The following MIA2 variants were observed in gnomAD, a reference collection of about 807,000 sequenced individuals.
MIA2 encodes melanoma inhibitory activity protein 2.
MIA2 carries 127 observed loss-of-function variants against 167.8 expected under a neutral mutation model. That is an observed-to-expected ratio of 0.76 (90% CI 0.66 to 0.88). MIA2 has a LOEUF of 0.88. MIA2 is among the 40% of genes least tolerant of loss of function. MIA2 has a pLI of 0.00. For synonymous variants in MIA2, 552 were observed against 541.9 expected (o/e 1.02, Z -0.26); for missense variants, 1,690 against 1,624.7 (o/e 1.04, Z -0.69).
chr14:39,310,482 TAAAG>T (rs1438803213), intron 18 of MIA2, among the ~76,000 whole-genome samples: 9 of 152,222 alleles, frequency 5.9e-5, no homozygotes, highest in East Asian at 3.9e-4. Context: ...CAATATATAT[TAAAG>T]AAAGTATCTT....
chr14:39,352,954 T>A (rs1168103236), downstream of MIA2, among the ~76,000 whole-genome samples: 10 of 152,182 alleles, frequency 6.6e-5, no homozygotes, highest in Admixed American at 6.5e-4. Context: ...GTACAGTAGA[T>A]CTCTTGAACT....
intron 6 of MIA2, chr14:39,269,089 T>TTTTTTTTTTTC (rs2056632296): frequency 1.0e-6 from 1 of 960,032 alleles, no homozygotes; most frequent in Non-Finnish European, 1.2e-6. Context: ...TTTTTTTTTT[T>TTTTTTTTTTTC]TTTTTTTTTT....
chr14:39,351,720 C>T (rs888000216), downstream of MIA2, among the ~76,000 whole-genome samples: 3 of 152,130 alleles, frequency 2.0e-5, no homozygotes, highest in South Asian at 2.1e-4. Flanking sequence ...GAAACCTCAC[C>T]GCAGTCTCCC....
At chr14:39,285,226 C>G (rs1053641360) in intron 9 of MIA2, among the ~76,000 whole-genome samples, 1 of 152,106 alleles carries the variant, frequency 6.6e-6, no homozygotes, top group Non-Finnish European at 1.5e-5. Context: ...TCCACAAAAC[C>G]GCCATCGTCA....
rs546339719 is a variant in MIA2 at position 39,286,076 on chromosome 14, T to G, written c.2131-4943T>G. ...GGCAGAGGCTGCAATCTCAGCACTT[T>G]GGGAGGCCAAGGCAGGTGGCTGGGA... On this transcript the variant is annotated intron_variant, in intron 9 of 28. Transcript: ENST00000640607. Among the ~76,000 whole-genome samples the G allele has an allele frequency of 1.7e-3, 252 of 152,258 alleles. 2 individuals are homozygous for G. Among genetic ancestry groups the G allele is most frequent in the Middle Eastern group, 6.8e-3 (2 of 294 alleles).
intron 23 of MIA2, among the ~76,000 whole-genome samples, chr14:39,384,672 G>A (rs1277915427): frequency 6.6e-6 from 1 of 152,012 alleles, no homozygotes; most frequent in Non-Finnish European, 1.5e-5. Context: ...TCCTCACTCC[G>A]GCACACTCAG....
rs2065793442 is a variant in MIA2, at chr14:39,317,939, T to G, written c.3217-5T>G. The G allele has an allele frequency of 6.4e-7, 1 of 1,568,594 alleles. No homozygotes were observed. The highest frequency in any genetic ancestry group is 8.6e-7 in the Non-Finnish European group (1 of 1,160,846). ...ATATTTTTAAAATGTGTTATTTTCTTCAAGTTGGCAGCTCGGAATGCTGAA... is the reference window on the plus strand; with the variant it reads ...ATATTTTTAAAATGTGTTATTTTCTGCAAGTTGGCAGCTCGGAATGCTGAA... On this transcript the variant is annotated splice_region_variant and splice_polypyrimidine_tract_variant and intron_variant, in intron 21 of 28. Transcript: ENST00000640607.
chr14:39,287,693 G>A (rs533414089), intron 9 of MIA2, among the ~76,000 whole-genome samples: 171 of 152,122 alleles, frequency 1.1e-3, no homozygotes, highest in African/African-American at 3.8e-3. Flanking sequence ...CTCCTGAGTA[G>A]CTGGGACTAC....
In MIA2 at chr14:39,293,054, G is replaced by A. The variant is rs540596865; in HGVS notation, c.2209-217G>A. Among the ~76,000 whole-genome samples the A allele has an allele frequency of 2.0e-5, 3 of 152,258 alleles. No homozygotes were observed. The South Asian group carries it at 6.2e-4, about 32-fold the overall frequency. On this transcript the variant is annotated intron_variant, in intron 10 of 28. Coordinates refer to ENST00000640607, the MANE Select transcript of MIA2 (RefSeq NM_001329214.4). ...GGCATAGTTGAGTAATTGCAACAAAGACTGCATGGCCTACGAGCCTAAAAT... is the reference window on the plus strand; with the variant it reads ...GGCATAGTTGAGTAATTGCAACAAAAACTGCATGGCCTACGAGCCTAAAAT...
chr14:39,319,565 G>A (rs1461452246), intron 23 of MIA2, among the ~76,000 whole-genome samples: 5 of 151,886 alleles, frequency 3.3e-5, no homozygotes, highest in African/African-American at 1.2e-4. Context: ...GAAAAGCTAG[G>A]TGCTTGGCAC....
intron 25 of MIA2, among the ~76,000 whole-genome samples, chr14:39,337,835 A>T (rs1307568653): frequency 6.6e-6 from 1 of 152,052 alleles, no homozygotes; most frequent in Non-Finnish European, 1.5e-5. Context: ...CTTCAGCCTC[A>T]GCCTCCTGAG....
chr14:39,290,414 CT>C (rs779099348), intron 9 of MIA2, among the ~76,000 whole-genome samples: 2 of 152,046 alleles, frequency 1.3e-5, no homozygotes, highest in Non-Finnish European at 2.9e-5. Context: ...AATTTGATCA[CT>C]TTTTTTGAAT....
chr14:39,279,160 CAAAAAA>C (rs71435634), intron 7 of MIA2, among the ~76,000 whole-genome samples, 171 bp from the exon 8 acceptor site: 1 of 96,430 alleles, frequency 1.0e-5, no homozygotes, highest in African/African-American at 4.2e-5. Flanking sequence ...GACTCTGTCT[CAAAAAA>C]AAAAAAAAAA....
intron 26 of MIA2, among the ~76,000 whole-genome samples, chr14:39,346,592 ATTTTT>A (rs965438478): frequency 1.3e-5 from 2 of 151,226 alleles, no homozygotes; most frequent in African/African-American, 4.8e-5. Flanking sequence ...GAAAATAAAA[ATTTTT>A]TTTAAAGTCA....
chr14:39,351,896 C>T (rs4902542), downstream of MIA2, among the ~76,000 whole-genome samples: 28,312 of 152,104 alleles, frequency 0.19, 2,671 homozygotes, highest in Middle Eastern at 0.28. Context: ...CGTGAGCCAC[C>T]GCGCCTGGCC....
chr14:39,371,813 G>A (rs1245391678), intron 23 of MIA2, among the ~76,000 whole-genome samples: 1 of 152,076 alleles, frequency 6.6e-6, no homozygotes, highest in African/African-American at 2.4e-5. Flanking sequence ...ATGAAAACAT[G>A]GTCTTTCTGT....
intron 21 of MIA2, among the ~76,000 whole-genome samples, 178 bp from the exon 22 acceptor site, chr14:39,317,766 C>T (rs2065750689): frequency 6.6e-6 from 1 of 152,122 alleles, no homozygotes; most frequent in South Asian, 2.1e-4. Context: ...TATAGAAATT[C>T]TGATCTTTCA....
At chr14:39,279,201 CAG>C (rs1439271495) in intron 7 of MIA2, 134 bp from the exon 8 acceptor site, 2 of 446,914 alleles carry the variant, frequency 4.5e-6, no homozygotes, top group East Asian at 3.9e-5. Flanking sequence ...TCATTGGAAA[CAG>C]AATACTTTTG....
Position 39,276,989 on chromosome 14 carries a change from C to T in MIA2, c.1943C>T (p.Pro648Leu), listed in dbSNP as rs778096789. 1.2e-6 allele frequency: 2 copies of T among 1,613,922 alleles called. No individual in the cohort carries two copies. Among genetic ancestry groups the T allele is most frequent in the Non-Finnish European group, 1.7e-6 (2 of 1,179,906 alleles). ...MRPDSNLYGF[P>L]WELVICAAVV... ...CCAGATTCTAATCTTTATGGTTTTC[C>T]ATGGGAATTGGTGATATGTGCAGCT... The change falls in exon 7 of 29, where the codon CCA (proline) becomes CTA (leucine). Residue 648 changes from proline (P) to leucine (L), a missense_variant. Coordinates refer to ENST00000640607, the MANE Select transcript of MIA2 (RefSeq NM_001329214.4).
Sources: allele counts gnomAD v4.1 joint callset (sites outside exome capture counted in the v4.1 genomes callset), GRCh38; gene constraint gnomAD v4.1.1; transcripts MANE v1.5; gene names NCBI Gene and HGNC (gene_info 2026-07-23, HGNC 2026-07-21).